Variants in SYT14 observed in about 807,000 individuals in gnomAD.
The protein encoded by SYT14 is synaptotagmin-14.
SYT14 carries 32 observed loss-of-function variants against 74.2 expected under a neutral mutation model. The observed-to-expected ratio is 0.43, with a 90% CI of 0.33 to 0.58. The LOEUF (loss-of-function observed/expected upper bound fraction) is 0.58, where lower values mean the gene tolerates loss of function less well. SYT14 is among the 20% of genes least tolerant of loss of function. SYT14 has a pLI of 0.05. For missense variants in SYT14, 791 were observed against 981.8 expected (o/e 0.81, Z 2.60); for synonymous variants, 298 against 337.7 (o/e 0.88, Z 1.29).
intron 5 of SYT14, among the ~76,000 whole-genome samples, chr1:210,076,731 A>AAG (rs2081508103): frequency 6.6e-6 from 1 of 152,106 alleles, no homozygotes; most frequent in Non-Finnish European, 1.5e-5. Flanking sequence ...GAGCAGGAGG[A>AAG]AGAGAGAGAG....
At chr1:210,096,395 AAGAG>A (rs1249553847) in intron 6 of SYT14, among the ~76,000 whole-genome samples, 1 of 152,084 alleles carries the variant, frequency 6.6e-6, no homozygotes, top group Non-Finnish European at 1.5e-5. Context: ...GAGAGAGAGA[AAGAG>A]AGTGTGTTTT....
chr1:209,948,740 C>T (rs1018852514), intron 1 of SYT14, among the ~76,000 whole-genome samples: 2 of 152,014 alleles, frequency 1.3e-5, no homozygotes, highest in African/African-American at 4.8e-5. Flanking sequence ...AACTTTTGGG[C>T]GTCTCCATTT....
In SYT14 at chr1:210,156,683, C is replaced by CTTTTTTT. The variant is rs71146208; in HGVS notation, c.2224+795_2224+801dup. 6.1e-3 allele frequency among the ~76,000 whole-genome samples: 342 copies of CTTTTTTT among 55,982 alleles called. 18 individuals carry two copies. Among genetic ancestry groups the CTTTTTTT allele is most frequent in the Non-Finnish European group, 9.0e-3 (275 of 30,436 alleles). The allele number at this position is 55,982 out of a possible 152,430, so 36.7% of individuals were successfully genotyped here. On this transcript the variant is annotated intron_variant, in intron 8 of 9. Transcript: ENST00000637265. ...AGGTAAACTGGGAAAGTGGCAGCTT[C>CTTTTTTT]TTTTTTTTTTTTTTTTTTTTTTTTT...
At chr1:210,132,441 G>T (rs2082694464) in intron 7 of SYT14, among the ~76,000 whole-genome samples, 1 of 151,988 alleles carries the variant, frequency 6.6e-6, no homozygotes, top group Non-Finnish European at 1.5e-5. Flanking sequence ...CAGGTTTGTT[G>T]TATAGGTAAA....
At chr1:210,114,629 A>C (rs2082323893) in intron 7 of SYT14, among the ~76,000 whole-genome samples, 1 of 151,266 alleles carries the variant, frequency 6.6e-6, no homozygotes, top group Admixed American at 6.6e-5. Context: ...TATTTGATAA[A>C]AAGGAGCCTA....
chr1:210,150,741 A>G (rs1269383936), intron 7 of SYT14, among the ~76,000 whole-genome samples: 3 of 152,246 alleles, frequency 2.0e-5, no homozygotes, highest in Non-Finnish European at 4.4e-5. Flanking sequence ...TATTCAATAG[A>G]TAATTCAATT....
chr1:210,058,009 T>G (rs2081132255), intron 5 of SYT14, among the ~76,000 whole-genome samples: 2 of 152,196 alleles, frequency 1.3e-5, no homozygotes, highest in Non-Finnish European at 2.9e-5. Context: ...TATAGTGATG[T>G]ATAAGAAAGA....
intron 5 of SYT14, among the ~76,000 whole-genome samples, chr1:210,022,862 C>T (rs2080331442): frequency 6.6e-6 from 1 of 152,008 alleles, no homozygotes. Flanking sequence ...TCTTTCCTCT[C>T]ACCCCAACTC....
At chr1:210,051,596 T>C (rs2080997639) in intron 5 of SYT14, among the ~76,000 whole-genome samples, 1 of 152,230 alleles carries the variant, frequency 6.6e-6, no homozygotes, top group South Asian at 2.1e-4. Flanking sequence ...AAAATAATTA[T>C]GTGTGTCTTG....
chr1:210,073,953 A>C (rs1286960212), intron 5 of SYT14, among the ~76,000 whole-genome samples: 2 of 152,144 alleles, frequency 1.3e-5, no homozygotes, highest in African/African-American at 2.4e-5. Context: ...TATTATTTCA[A>C]GTTGTTGATT....
chr1:210,101,862 A>G (rs1220149972), intron 7 of SYT14, among the ~76,000 whole-genome samples: 1 of 152,188 alleles, frequency 6.6e-6, no homozygotes, highest in Non-Finnish European at 1.5e-5. Flanking sequence ...ATCAAGAGGT[A>G]TGTAATTTAT....
chr1:209,955,685 T>C (rs2078981646), intron 2 of SYT14, among the ~76,000 whole-genome samples: 1 of 152,188 alleles, frequency 6.6e-6, no homozygotes, highest in African/African-American at 2.4e-5. Context: ...TCATTATACC[T>C]CAAATAAAAG....
chr1:210,013,867 A>G, intron 3 of SYT14, 70 bp downstream of exon 3: 1 of 1,478,410 alleles, frequency 6.8e-7, no homozygotes, highest in South Asian at 1.3e-5. Flanking sequence ...ATTTTAATAT[A>G]TGCAATAAAA....
At chr1:210,031,982 A>G (rs2080546627) in intron 5 of SYT14, among the ~76,000 whole-genome samples, 1 of 152,190 alleles carries the variant, frequency 6.6e-6, no homozygotes, top group Non-Finnish European at 1.5e-5. Flanking sequence ...TAGCATCTTC[A>G]GGACAAATAA....
chr1:210,092,359 G>A (rs2081884511), intron 5 of SYT14, among the ~76,000 whole-genome samples: 1 of 152,076 alleles, frequency 6.6e-6, no homozygotes, highest in Admixed American at 6.6e-5. Flanking sequence ...AAAGGCAAAG[G>A]GACAAAGGGG....
chr1:210,017,701 C>G (rs1170967673), intron 4 of SYT14, among the ~76,000 whole-genome samples: 5 of 152,004 alleles, frequency 3.3e-5, no homozygotes, highest in Non-Finnish European at 7.4e-5. Flanking sequence ...AATTAGGATT[C>G]TGACTAAGCA....
chr1:209,963,841 TGTAA>T (rs1196434452), intron 2 of SYT14, among the ~76,000 whole-genome samples: 2 of 152,230 alleles, frequency 1.3e-5, no homozygotes, highest in African/African-American at 4.8e-5. Flanking sequence ...TCTTTAAACA[TGTAA>T]GTGTTTACAT....
chr1:210,117,469 C>G (rs1456645126), intron 7 of SYT14, among the ~76,000 whole-genome samples: 2 of 152,046 alleles, frequency 1.3e-5, no homozygotes, highest in South Asian at 2.1e-4. Flanking sequence ...GTAATAAATA[C>G]TTCATGATAA....
At chr1:209,948,548 C>A (rs930327893) in intron 1 of SYT14, among the ~76,000 whole-genome samples, 1 of 152,192 alleles carries the variant, frequency 6.6e-6, no homozygotes, top group Admixed American at 6.5e-5. Context: ...AAAAGCAATG[C>A]TAGTATTATC....
Sources: gnomAD v4.1 joint callset for allele counts (sites outside exome capture counted in the v4.1 genomes callset) on GRCh38, gnomAD v4.1.1 for gene constraint, MANE v1.5 for transcripts, NCBI Gene and HGNC (gene_info 2026-07-23, HGNC 2026-07-21) for gene names.